Variants in HABP2 observed in about 807,000 individuals in gnomAD.
HABP2 encodes factor VII-activating protease.
HABP2 carries 65 observed loss-of-function variants against 66.5 expected under a neutral mutation model. The ratio of observed to expected loss-of-function variants is 0.98; its 90% CI spans 0.80 to 1.20. HABP2 has a LOEUF of 1.20. HABP2 is among the 50% of genes most tolerant of loss of function. The pLI, the probability that HABP2 is intolerant of heterozygous loss-of-function variation, is 0.00. For synonymous variants in HABP2, 263 were observed against 253.9 expected, an observed-to-expected ratio of 1.04 and a Z score of -0.34; for missense variants, 786 against 691.0, an observed-to-expected ratio of 1.14 and a Z score of -1.54.
In HABP2 at chr10:113,553,069, G is replaced by C; in HGVS notation, c.-53G>C. ...GACATTTTTCCCCCCTAAAGGCATA[G>C]ACAACAAAAGAAATTTTATTGAGAG... On this transcript the variant is annotated 5_prime_UTR_variant, in exon 1 of 13. Coordinates refer to ENST00000351270, the MANE Select transcript of HABP2 (RefSeq NM_004132.5). 1.4e-6 allele frequency: 2 copies of C among 1,389,890 alleles called. No individual in the cohort carries two copies. Among genetic ancestry groups the C allele is most frequent in the Non-Finnish European group, 2.0e-6 (2 of 976,052 alleles). The allele number at this position is 1,389,890 out of a possible 1,614,324, so 86.1% of individuals were successfully genotyped here.
At chr10:113,568,339 A>G (rs1845238735) in intron 2 of HABP2, among the ~76,000 whole-genome samples, 2 of 152,254 alleles carry the variant, frequency 1.3e-5, no homozygotes, top group African/African-American at 4.8e-5. Context: ...CAGACAACAC[A>G]TGGAGACTGT....
At chr10:113,552,143 T>C (rs1455610090), upstream of HABP2, among the ~76,000 whole-genome samples, 1 of 151,940 alleles carries the variant, frequency 6.6e-6, no homozygotes, top group East Asian at 1.9e-4. Flanking sequence ...CAAACAGGGA[T>C]GGCAGGTAGG....
chr10:113,559,701 C>A (rs976348158), intron 1 of HABP2, among the ~76,000 whole-genome samples: 1 of 152,330 alleles, frequency 6.6e-6, no homozygotes, highest in East Asian at 1.9e-4. Context: ...GGTTTAAGAA[C>A]CAATGTCTTT....
intron 2 of HABP2, among the ~76,000 whole-genome samples, chr10:113,571,915 C>T (rs1845321551): frequency 6.6e-6 from 1 of 152,212 alleles, no homozygotes; most frequent in Non-Finnish European, 1.5e-5. Flanking sequence ...CATATGCAGA[C>T]AATAGGATTA....
At chr10:113,574,050 G>T (rs1845360762) in intron 2 of HABP2, among the ~76,000 whole-genome samples, 1 of 152,112 alleles carries the variant, frequency 6.6e-6, no homozygotes, top group African/African-American at 2.4e-5. Context: ...TTCCAATCAG[G>T]TGCTCATGAC....
intron 12 of HABP2, 104 bp from the exon 13 acceptor site, chr10:113,588,101 A>G: frequency 2.3e-6 from 2 of 884,248 alleles, no homozygotes; most frequent in Non-Finnish European, 3.4e-6. Context: ...GAGGCTGGCA[A>G]GGGACTCCAC....
At chr10:113,586,821 G>C (rs191695953) in intron 12 of HABP2, among the ~76,000 whole-genome samples, 3 of 152,070 alleles carry the variant, frequency 2.0e-5, no homozygotes, top group Non-Finnish European at 2.9e-5. Flanking sequence ...GAGCCTCCCC[G>C]TACAAAGGAA....
At chr10:113,584,356 C>T (rs1845596541) in intron 11 of HABP2, 74 bp downstream of exon 11, 1 of 1,302,284 alleles carries the variant, frequency 7.7e-7, no homozygotes, top group South Asian at 1.2e-5. Context: ...AACTCAACTG[C>T]CCTTTTGAAG....
intron 1 of HABP2, among the ~76,000 whole-genome samples, chr10:113,554,727 C>T (rs745981186): frequency 3.3e-5 from 5 of 152,158 alleles, no homozygotes; most frequent in Non-Finnish European, 2.9e-5. Flanking sequence ...CAAGGAGAAA[C>T]GTTGACACGG....
rs1317770014 is a variant in HABP2 at position 113,574,483 on chromosome 10, C to T, written c.223+78C>T. The stretch of plus-strand genomic sequence containing the variant: ...TGTATGTGGGACCACATGCAAGGGC[C>T]TCTCTCTCCGCCTCTCTGGCCAGTA... On this transcript the variant is annotated intron_variant, in intron 3 of 12. Coordinates refer to ENST00000351270, the MANE Select transcript of HABP2 (RefSeq NM_004132.5). 8.3e-6 allele frequency: 6 copies of T among 727,030 alleles called. No individual in the cohort carries two copies. The Admixed American group carries it at 8.4e-5, about 10-fold the overall frequency. The allele number at this position is 727,030 out of a possible 1,614,324, so 45.0% of individuals were successfully genotyped here.
At chr10:113,574,237 C>A in intron 2 of HABP2, 52 bp from the exon 3 acceptor site, 1 of 895,630 alleles carries the variant, frequency 1.1e-6, no homozygotes, top group Non-Finnish European at 1.9e-6. Context: ...AAATGCTGGC[C>A]TATTTGAGTG....
intron 7 of HABP2, among the ~76,000 whole-genome samples, chr10:113,579,642 C>T (rs2133776221): frequency 6.6e-6 from 1 of 152,328 alleles, no homozygotes; most frequent in Admixed American, 6.5e-5. Flanking sequence ...CTCCAGGCCA[C>T]TCTGTTGGCT....
At chr10:113,564,243 C>A (rs1266762580) in intron 1 of HABP2, among the ~76,000 whole-genome samples, 1 of 152,084 alleles carries the variant, frequency 6.6e-6, no homozygotes, top group African/African-American at 2.4e-5. Context: ...AAAACACACC[C>A]CCATGATTCA....
intron 1 of HABP2, among the ~76,000 whole-genome samples, chr10:113,566,607 G>C (rs565905506): frequency 2.6e-5 from 4 of 152,214 alleles, no homozygotes; most frequent in Non-Finnish European, 5.9e-5. Flanking sequence ...TGAGAGACAG[G>C]TGACATGCAA....
chr10:113,551,933 G>A (rs771659370), upstream of HABP2, among the ~76,000 whole-genome samples: 27 of 152,112 alleles, frequency 1.8e-4, no homozygotes, highest in Admixed American at 1.0e-3. Context: ...CCTAAAATAG[G>A]ATGGAGACAA....
intron 1 of HABP2, among the ~76,000 whole-genome samples, chr10:113,564,957 C>T (rs1349368958): frequency 6.6e-6 from 1 of 152,186 alleles, no homozygotes; most frequent in Non-Finnish European, 1.5e-5. Context: ...CCCCATTCTC[C>T]TGCCTCAGCC....
At position 113,581,133 on chromosome 10, in the gene HABP2, C is replaced by T. The variant is rs73352200; in HGVS notation, c.838+441C>T. 7.4e-3 allele frequency among the ~76,000 whole-genome samples: 1,128 copies of T among 152,314 alleles called. 15 individuals are homozygous for T. The highest frequency in any genetic ancestry group is 0.025 in the African/African-American group (1,046 of 41,556). On this transcript the variant is annotated intron_variant, in intron 8 of 12. Transcript: ENST00000351270. The stretch of plus-strand genomic sequence containing the variant: ...GTGCCCACATCTAGAATGATGTGCC[C>T]TTCCACCCTGACCAGTGGGATTCCT...
intron 2 of HABP2, chr10:113,572,680 C>T: frequency 2.2e-6 from 1 of 455,388 alleles, no homozygotes; most frequent in Non-Finnish European, 4.4e-6. Flanking sequence ...ACTTTATTTG[C>T]TCCAGGAAGA....
chr10:113,559,664 T>A (rs758103563), intron 1 of HABP2, among the ~76,000 whole-genome samples: 24 of 152,178 alleles, frequency 1.6e-4, no homozygotes, highest in Non-Finnish European at 2.6e-4. Flanking sequence ...TTTATCAAGT[T>A]CCCCAGACAA....
Sources: allele counts gnomAD v4.1 joint callset (sites outside exome capture counted in the v4.1 genomes callset), GRCh38; gene constraint gnomAD v4.1.1; transcripts MANE v1.5; gene names NCBI Gene and HGNC (gene_info 2026-07-23, HGNC 2026-07-21).